Variants in PXDN observed in about 807,000 individuals in gnomAD.
PXDN encodes peroxidasin homolog.
Under a neutral mutation model 140.3 loss-of-function variants are expected in PXDN, and 77 were observed. The observed-to-expected ratio is 0.55, with a 90% CI of 0.46 to 0.66. The LOEUF (loss-of-function observed/expected upper bound fraction) is 0.66. Among genes scored for constraint, PXDN ranks in the 30% least tolerant of loss-of-function variants. The probability of loss-of-function intolerance (pLI) is 0.00; values close to 1 mark genes in which losing one functional copy is unlikely to be tolerated. For synonymous variants in PXDN, 911 were observed against 857.4 expected, an observed-to-expected ratio of 1.06 and a Z score of -1.09; for missense variants, 1,838 against 2,039.5, an observed-to-expected ratio of 0.90 and a Z score of 1.90.
intron 10 of PXDN, among the ~76,000 whole-genome samples, chr2:1,665,622 G>A (rs1572141216): frequency 2.0e-5 from 3 of 152,234 alleles, no homozygotes; most frequent in African/African-American, 7.2e-5. Flanking sequence ...AGTGAGACAG[G>A]AAAGGGCTGA....
intron 6 of PXDN, 120 bp downstream of exon 6, chr2:1,683,536 A>C: frequency 1.1e-6 from 1 of 912,020 alleles, no homozygotes; most frequent in Non-Finnish European, 1.6e-6. Flanking sequence ...ATATATTCTC[A>C]TTCTTTCAGA....
intron 1 of PXDN, among the ~76,000 whole-genome samples, chr2:1,715,934 A>G (rs555017801): frequency 6.6e-6 from 1 of 152,334 alleles, no homozygotes; most frequent in Admixed American, 6.5e-5. Flanking sequence ...TGACACAGAC[A>G]TAGTTTTTTC....
Position 1,687,049 on chromosome 2 carries a change from G to A in PXDN, c.416+583C>T, listed in dbSNP as rs550788994. Among the ~76,000 whole-genome samples, 7 of 152,258 alleles carry A rather than the reference G, an allele frequency of 4.6e-5. No individual in the cohort carries two copies. Among genetic ancestry groups the A allele is most frequent in the Admixed American group, 1.3e-4 (2 of 15,290 alleles). On this transcript the variant is annotated intron_variant, in intron 4 of 22. Coordinates refer to ENST00000252804, the MANE Select transcript of PXDN (RefSeq NM_012293.3). This position sits in a 1 kb window ranked among gnomAD's most constrained non-coding sequence, Gnocchi z 4.0. The stretch of plus-strand genomic sequence containing the variant: ...GGACATTGTAATGAAAAATCAACAC[G>A]CTGACTTCACAGCAAAGTACGACTT...
intron 21 of PXDN, chr2:1,636,185 G>A (rs116160545): frequency 0.014 from 1,649 of 120,006 alleles, 31 homozygotes; most frequent in African/African-American, 0.045. Context: ...AAGTAAACTC[G>A]CACCTCATTA....
chr2:1,712,196 G>A (rs1333785474), intron 1 of PXDN, among the ~76,000 whole-genome samples: 1 of 152,136 alleles, frequency 6.6e-6, no homozygotes, highest in Non-Finnish European at 1.5e-5. Context: ...GTAAATCAAA[G>A]TACTGACAAA....
intron 14 of PXDN, 68 bp from the exon 15 acceptor site, chr2:1,654,576 G>T: frequency 9.8e-7 from 1 of 1,015,720 alleles, no homozygotes; most frequent in South Asian, 1.5e-5. Context: ...ATGATGTCTA[G>T]ACACTACATC....
At chr2:1,675,833 A>G (rs1004251093) in intron 8 of PXDN, among the ~76,000 whole-genome samples, 3 of 145,408 alleles carry the variant, frequency 2.1e-5, no homozygotes, top group Non-Finnish European at 4.5e-5. Context: ...GAGCCCGAGT[A>G]TCACAGGGCT....
intron 6 of PXDN, 104 bp from the exon 7 acceptor site, chr2:1,680,466 G>T (rs1683871460): frequency 7.1e-7 from 1 of 1,402,294 alleles, no homozygotes. Context: ...CATGTGCCAG[G>T]CCTGCCAGGC....
At chr2:1,708,732 T>G (rs909100507) in intron 1 of PXDN, among the ~76,000 whole-genome samples, 1 of 152,130 alleles carries the variant, frequency 6.6e-6, no homozygotes, top group African/African-American at 2.4e-5. Flanking sequence ...GCACGGGCAC[T>G]GGGCACGCCC....
At chr2:1,652,281 G>T (rs1335713155) in intron 16 of PXDN, among the ~76,000 whole-genome samples, 2 of 152,106 alleles carry the variant, frequency 1.3e-5, no homozygotes, top group East Asian at 1.9e-4. Flanking sequence ...AATGAAGAAA[G>T]GTAGGGAGTA....
chr2:1,739,504 A>G (rs1685492327), intron 1 of PXDN, among the ~76,000 whole-genome samples: 1 of 152,212 alleles, frequency 6.6e-6, no homozygotes, highest in South Asian at 2.1e-4. Flanking sequence ...ATCTAACAAT[A>G]GAAGAGCTCA....
At position 1,639,772 on chromosome 2, in the gene PXDN, T is replaced by C. The variant is rs1682671786; in HGVS notation, c.3953-350A>G. On this transcript the variant is annotated intron_variant, in intron 19 of 22. Coordinates refer to ENST00000252804, the MANE Select transcript of PXDN (RefSeq NM_012293.3). The surrounding 1 kb of genome is among the most constrained non-coding windows in gnomAD (Gnocchi z 5.0). ...CTCTGCCTCGGAGATCAGAGTCTGC[T>C]GTTTCTGGGGGTCCCTCCCCGATGG... Among the ~76,000 whole-genome samples, 1 of 152,212 alleles carries C rather than the reference T, an allele frequency of 6.6e-6. No individual in the cohort carries two copies. The highest frequency in any genetic ancestry group is 6.5e-5 in the Admixed American group (1 of 15,290).
chr2:1,646,369 A>G (rs1558487193), intron 17 of PXDN, among the ~76,000 whole-genome samples: 2 of 152,336 alleles, frequency 1.3e-5, no homozygotes, highest in South Asian at 2.1e-4. Context: ...AAGTTTGGCA[A>G]AAGAGAGAAT....
chr2:1,637,575 GTA>G (rs1224218941), intron 21 of PXDN, among the ~76,000 whole-genome samples: 25 of 141,646 alleles, frequency 1.8e-4, no homozygotes, highest in African/African-American at 6.6e-4. Flanking sequence ...GCCAGGCGAT[GTA>G]CACCTAGTCT....
intron 1 of PXDN, among the ~76,000 whole-genome samples, chr2:1,741,688 A>G (rs1363894737): frequency 6.6e-6 from 1 of 152,002 alleles, no homozygotes; most frequent in African/African-American, 2.4e-5. Context: ...AAGCAAAGGG[A>G]CGGTGTGATG....
At chr2:1,638,420 G>T (rs12714330) in intron 21 of PXDN, among the ~76,000 whole-genome samples, 1 of 151,752 alleles carries the variant, frequency 6.6e-6, no homozygotes. Flanking sequence ...CCTCACACCC[G>T]GAGAGGCTGG....
At chr2:1,634,575 C>T (rs1238041290) in intron 22 of PXDN, among the ~76,000 whole-genome samples, 3 of 152,184 alleles carry the variant, frequency 2.0e-5, no homozygotes, top group East Asian at 3.9e-4. Context: ...CCCACCCTTC[C>T]GTCCATGCCC....
At chr2:1,647,276 T>C (rs185459323) in intron 17 of PXDN, among the ~76,000 whole-genome samples, 2 of 152,210 alleles carry the variant, frequency 1.3e-5, no homozygotes, top group African/African-American at 4.8e-5. Context: ...GAGTAAAAGA[T>C]GTGAATATCT....
rs1683022102 is a variant in PXDN at position 1,651,874 on chromosome 2, G to A, written c.2104+1754C>T. Among the ~76,000 whole-genome samples the A allele has an allele frequency of 6.6e-6, 1 of 152,296 alleles. No individual in the cohort carries two copies. The highest frequency in any genetic ancestry group is 2.4e-5 in the African/African-American group (1 of 41,554). On this transcript the variant is annotated intron_variant, in intron 16 of 22. Coordinates refer to ENST00000252804, the MANE Select transcript of PXDN (RefSeq NM_012293.3). The surrounding 1 kb of genome is among the most constrained non-coding windows in gnomAD (Gnocchi z 4.4). ...TTCTCTGGAAGGTCTGATCTTTGAG[G>A]GCAGAGGTTTTTATTTCTTCCGTTT...
Sources: allele counts gnomAD v4.1 joint callset (sites outside exome capture counted in the v4.1 genomes callset), GRCh38; gene constraint gnomAD v4.1.1; non-coding constraint Gnocchi (gnomAD v3.1); transcripts MANE v1.5; gene names NCBI Gene and HGNC (gene_info 2026-07-23, HGNC 2026-07-21).